TANC2: variants seen among roughly 807,000 people sequenced by gnomAD.
The protein encoded by TANC2 is protein TANC2.
In TANC2, 26 loss-of-function variants were observed where a neutral mutation model predicts 210.5. The observed-to-expected ratio is 0.12, with a 90% CI of 0.09 to 0.17. TANC2 has a LOEUF of 0.17. Among genes scored for constraint, TANC2 ranks in the 10% least tolerant of loss-of-function variants. The probability of loss-of-function intolerance (pLI) is 1.00; values close to 1 mark genes in which losing one functional copy is unlikely to be tolerated. For missense variants in TANC2, 2,129 were observed against 2,608.9 expected, an observed-to-expected ratio of 0.82 and a Z score of 4.01; for synonymous variants, 931 against 967.1, an observed-to-expected ratio of 0.96 and a Z score of 0.69.
chr17:63,228,877 C>CA (rs1430979558), intron 7 of TANC2, among the ~76,000 whole-genome samples: 9 of 152,058 alleles, frequency 5.9e-5, no homozygotes, highest in Admixed American at 5.9e-4. Flanking sequence ...CATTTGCACA[C>CA]AGACAGTTTG....
Position 63,420,854 on chromosome 17 carries a change from A to G in TANC2, c.5124A>G (p.Ser1708=). The change falls in exon 28 of 28, where the codon TCA becomes TCG. Residue 1708 remains serine (S), a synonymous_variant. Coordinates refer to ENST00000689528, the Ensembl canonical transcript of TANC2. The surrounding 1 kb of genome is among the most constrained non-coding windows in gnomAD (Gnocchi z 4.2). Reference sequence around the variant, plus strand: ...ACCAGCCCAGCCCAGCCGTCCATTCAAGCACCGTCATCCCCACAGGAGCCT... The same window carrying G: ...ACCAGCCCAGCCCAGCCGTCCATTCGAGCACCGTCATCCCCACAGGAGCCT... The G allele has an allele frequency of 6.2e-7, 1 of 1,614,020 alleles. No homozygotes were observed. Among genetic ancestry groups the G allele is most frequent in the Non-Finnish European group, 8.5e-7 (1 of 1,179,892 alleles).
intron 4 of TANC2, among the ~76,000 whole-genome samples, chr17:63,106,053 G>A (rs961674397): frequency 6.6e-6 from 1 of 151,476 alleles, no homozygotes; most frequent in Non-Finnish European, 1.5e-5. Flanking sequence ...TCAGGGTACT[G>A]TTTCTAATTT....
chr17:63,220,788 ATATATGTATATATACGTG>A lies in TANC2; in HGVS notation c.770-16994_770-16977del, dbSNP rs1330044701. Among the ~76,000 whole-genome samples the A allele has an allele frequency of 2.3e-3, 341 of 147,892 alleles. 3 individuals are homozygous for A. Among genetic ancestry groups the A allele is most frequent in the African/African-American group, 3.8e-3 (156 of 40,614 alleles). On this transcript the variant is annotated intron_variant, in intron 7 of 27. Coordinates refer to ENST00000689528, the Ensembl canonical transcript of TANC2. Reference sequence around the variant, plus strand: ...TATGTGTATATATACATGTATGTGTATATATGTATATATACGTGTATATGTATATATACGTGTATATGT... The same window carrying A: ...TATGTGTATATATACATGTATGTGTATATATGTATATATACGTGTATATGT...
At chr17:63,332,408 A>G in intron 11 of TANC2, 1 of 320,750 alleles carries the variant, frequency 3.1e-6, no homozygotes, top group Admixed American at 4.1e-5. Context: ...GCATATATTC[A>G]CAGTACCCTG....
rs1320846198 is a variant in TANC2, at chr17:63,418,099, A to G, written c.4168-208A>G. On this transcript the variant is annotated intron_variant, in intron 26 of 27. Coordinates refer to ENST00000689528, the Ensembl canonical transcript of TANC2. The surrounding 1 kb of genome is among the most constrained non-coding windows in gnomAD (Gnocchi z 4.6). The stretch of plus-strand genomic sequence containing the variant: ...TTAATATTCTGGGCAGATAAAGTCC[A>G]GTGAGCAGTCGCAGCGCTACACAGG... Among the ~76,000 whole-genome samples, 2 of 152,280 alleles carry G rather than the reference A, an allele frequency of 1.3e-5. No homozygotes were observed. The highest frequency in any genetic ancestry group is 2.4e-5 in the African/African-American group (1 of 41,480).
chr17:63,424,290 A>G (rs1001127892), exon 28 of TANC2: 3 of 152,268 alleles, frequency 2.0e-5, no homozygotes, highest in Non-Finnish European at 2.9e-5. Context: ...TAAAATGTCA[A>G]CAGTCAAAAT....
intron 9 of TANC2, among the ~76,000 whole-genome samples, chr17:63,297,223 A>G (rs2044563674): frequency 1.3e-5 from 2 of 152,184 alleles, no homozygotes; most frequent in East Asian, 1.9e-4. Flanking sequence ...GAAATTCTCA[A>G]ATTCACATGG....
At chr17:63,329,936 A>G (rs2045780071) in intron 11 of TANC2, among the ~76,000 whole-genome samples, 1 of 152,234 alleles carries the variant, frequency 6.6e-6, no homozygotes, top group Non-Finnish European at 1.5e-5. Context: ...CAAAAACCCA[A>G]AATAGGCTGA....
chr17:63,284,874 T>A (rs2044173416), intron 9 of TANC2, among the ~76,000 whole-genome samples: 1 of 152,156 alleles, frequency 6.6e-6, no homozygotes. Context: ...TCTGTATTAT[T>A]CCTTGTAGTT....
rs184690307 is a variant in TANC2, at chr17:63,212,661, G to A, written c.769+11704G>A. On this transcript the variant is annotated intron_variant, in intron 7 of 27. Coordinates refer to ENST00000689528, the Ensembl canonical transcript of TANC2. ...GCCCAGGCTGGTCTTTGAACTCCTG[G>A]CCTCAAACGATACTCCCACTTCAGC... is the stretch of plus-strand genomic sequence containing the variant. Among the ~76,000 whole-genome samples, 12 of 152,188 alleles carry A rather than the reference G, an allele frequency of 7.9e-5. No homozygotes were observed. In the East Asian group the frequency reaches 1.9e-3, roughly 25 times the overall value.
chr17:63,006,104 A>T (rs188682373), intron 1 of TANC2, among the ~76,000 whole-genome samples: 31 of 152,196 alleles, frequency 2.0e-4, no homozygotes, highest in African/African-American at 7.5e-4. Context: ...CTTATTTTTT[A>T]AATTAAGGAT....
chr17:63,314,396 G>A (rs2045243968), exon 10 of TANC2: 2 of 1,613,512 alleles, frequency 1.2e-6, no homozygotes, highest in East Asian at 2.2e-5. Context: ...AGTTCGCTTT[G>A]CACCTTATAG....
chr17:63,323,545 C>G (rs1245167961), intron 11 of TANC2, among the ~76,000 whole-genome samples: 1 of 152,158 alleles, frequency 6.6e-6, no homozygotes, highest in East Asian at 1.9e-4. Context: ...AGAGATTTCT[C>G]TAGGTTTTGA....
chr17:63,151,347 G>T (rs2039647761), exon 5 of TANC2: 1 of 985,666 alleles, frequency 1.0e-6, no homozygotes, highest in Admixed American at 6.2e-5. Flanking sequence ...CCTCACTTCA[G>T]CTCAGAAACT....
At chr17:63,264,953 C>T (rs1157812394) in intron 8 of TANC2, among the ~76,000 whole-genome samples, 2 of 151,974 alleles carry the variant, frequency 1.3e-5, no homozygotes, top group East Asian at 1.9e-4. Context: ...AGTGAGACTT[C>T]GTCTCAAAAA....
chr17:63,405,311 C>G lies in TANC2; in HGVS notation c.3465+56C>G, dbSNP rs2048468206. On this transcript the variant is annotated intron_variant, in intron 20 of 27. Coordinates refer to ENST00000689528, the Ensembl canonical transcript of TANC2. ...GGCAGGACTGAGTTCTAGGTGAGGA[C>G]TTCTGATGCACAGAGCAAAATGATC... 2.0e-6 allele frequency: 3 copies of G among 1,474,866 alleles called. No homozygotes were observed. The African/African-American group carries it at 4.2e-5, about 20-fold the overall frequency. 91.4% of individuals were successfully genotyped at this position (1,474,866 alleles called of 1,614,324 possible). A position where few individuals can be genotyped will look rare whatever the true frequency, so the allele number is the denominator to read the frequency against.
At chr17:62,986,957 T>C (rs748970322) in intron 1 of TANC2, among the ~76,000 whole-genome samples, 5 of 152,146 alleles carry the variant, frequency 3.3e-5, no homozygotes, top group Admixed American at 6.5e-5. Flanking sequence ...TGCAGGTGCA[T>C]GTCCATTGGG....
chr17:63,359,893 ATTCT>A (rs1191764701), intron 14 of TANC2, among the ~76,000 whole-genome samples: 12 of 152,164 alleles, frequency 7.9e-5, no homozygotes, highest in African/African-American at 2.7e-4. Flanking sequence ...TACTTACTTG[ATTCT>A]TTATGACCAG....
chr17:63,210,072 A>G (rs191977805), intron 7 of TANC2, among the ~76,000 whole-genome samples: 176 of 152,284 alleles, frequency 1.2e-3, no homozygotes, highest in African/African-American at 4.0e-3. Context: ...CATGAGTGAG[A>G]TGTGCTTGAA....
Sources: gnomAD v4.1 joint callset for allele counts (sites outside exome capture counted in the v4.1 genomes callset) on GRCh38, gnomAD v4.1.1 for gene constraint, Gnocchi (gnomAD v3.1) non-coding constraint, MANE v1.5 for transcripts, NCBI Gene and HGNC (gene_info 2026-07-23, HGNC 2026-07-21) for gene names.